MKLN1: variants seen among roughly 807,000 people sequenced by gnomAD.
MKLN1 encodes muskelin 1, also known as muskelin.
A neutral mutation model predicts 99.0 loss-of-function variants in MKLN1; 18 were observed. The observed-to-expected ratio is 0.18, with a 90% confidence interval of 0.13 to 0.27. The LOEUF (loss-of-function observed/expected upper bound fraction) is 0.27. MKLN1 is among the 10% of genes least tolerant of loss of function. The pLI is 1.00. For missense variants in MKLN1, 621 were observed against 875.9 expected, an observed-to-expected ratio of 0.71 and a Z score of 3.67; for synonymous variants, 288 against 293.2, an observed-to-expected ratio of 0.98 and a Z score of 0.18.
chr7:131,449,115 G>A (rs1458999079), intron 12 of MKLN1, among the ~76,000 whole-genome samples: 1 of 152,188 alleles, frequency 6.6e-6, no homozygotes, highest in Non-Finnish European at 1.5e-5. Context: ...CATCTTTGAG[G>A]AGGTAATCTT....
chr7:131,209,019 A>G (rs538934339), intron 3 of MKLN1, among the ~76,000 whole-genome samples: 9 of 152,304 alleles, frequency 5.9e-5, no homozygotes, highest in South Asian at 2.1e-4. Flanking sequence ...AGTGATCTCA[A>G]TGACAGGGAG....
chr7:131,394,474 A>G (rs754780559), intron 4 of MKLN1, among the ~76,000 whole-genome samples: 20 of 152,004 alleles, frequency 1.3e-4, no homozygotes, highest in South Asian at 2.1e-4. Context: ...TTTGCAGTTC[A>G]TGATAGAGTT....
intron 1 of MKLN1, among the ~76,000 whole-genome samples, chr7:131,138,747 T>C (rs933224288): frequency 6.6e-6 from 1 of 152,212 alleles, no homozygotes; most frequent in African/African-American, 2.4e-5. Context: ...CAGCCTTGCC[T>C]ATCTGTGCAC....
At chr7:131,421,053 G>A (rs1211604939) in intron 8 of MKLN1, among the ~76,000 whole-genome samples, 1 of 152,132 alleles carries the variant, frequency 6.6e-6, no homozygotes, top group African/African-American at 2.4e-5. Context: ...ATGCCATTTA[G>A]ACTATGCTTC....
At chr7:131,322,760 C>T (rs1027058698) in intron 3 of MKLN1, among the ~76,000 whole-genome samples, 15 of 151,126 alleles carry the variant, frequency 9.9e-5, no homozygotes, top group South Asian at 4.2e-4. Context: ...TTAGTAGAGA[C>T]GGGGTTTCAC....
At position 131,387,327 on chromosome 7, in the gene MKLN1, G is replaced by A. The variant is rs1794064041; in HGVS notation, c.311+65G>A. Reference sequence around the variant, plus strand: ...AAAACGTAGTCTTAGTCTTTTTGTAGCTAATCTGCATGGTTTGATTTTTCT... The same window carrying A: ...AAAACGTAGTCTTAGTCTTTTTGTAACTAATCTGCATGGTTTGATTTTTCT... On this transcript the variant is annotated intron_variant, in intron 3 of 17. Coordinates refer to ENST00000352689, the MANE Select transcript of MKLN1 (RefSeq NM_013255.5). The A allele has an allele frequency of 4.2e-6, 6 of 1,434,762 alleles. No homozygotes were observed. The South Asian group carries it at 8.2e-5, about 20-fold the overall frequency. 88.9% of individuals were successfully genotyped at this position (1,434,762 alleles called of 1,614,324 possible).
chr7:131,272,859 CT>C (rs1797907920), intron 3 of MKLN1, among the ~76,000 whole-genome samples: 1 of 152,198 alleles, frequency 6.6e-6, no homozygotes, highest in African/African-American at 2.4e-5. Context: ...CCCCGGGTCC[CT>C]CCCACAACAC....
intron 3 of MKLN1, among the ~76,000 whole-genome samples, chr7:131,266,930 G>A (rs956175641): frequency 6.6e-6 from 1 of 151,942 alleles, no homozygotes; most frequent in African/African-American, 2.4e-5. Flanking sequence ...CACAAGCTTA[G>A]TTTAAGCCCC....
Position 131,403,989 on chromosome 7 carries a change from T to G in MKLN1, c.703+4556T>G, listed in dbSNP as rs1321591441. Among the ~76,000 whole-genome samples, 3 of 152,174 alleles carry G rather than the reference T, an allele frequency of 2.0e-5. No individual in the cohort carries two copies. In the South Asian group the frequency reaches 6.2e-4, roughly 32 times the overall value. On this transcript the variant is annotated intron_variant, in intron 6 of 17. Transcript: ENST00000352689. ...TCAAGCAAAGCATTATAAAGGCATA[T>G]GTATGTTGAATTATCTTAATTGATT...
chr7:131,475,219 A>G (rs375844750), intron 16 of MKLN1, among the ~76,000 whole-genome samples: 11 of 152,214 alleles, frequency 7.2e-5, no homozygotes, highest in Non-Finnish European at 1.3e-4. Context: ...TAAAGTGGGT[A>G]TGGAAAACTT....
chr7:131,400,517 AAAT>A (rs1223631112), intron 6 of MKLN1, among the ~76,000 whole-genome samples: 3 of 129,574 alleles, frequency 2.3e-5, no homozygotes, highest in Admixed American at 7.4e-5. Flanking sequence ...AATAAAAAAA[AAAT>A]ATATATATAT....
chr7:131,347,322 AC>A (rs1163760688), intron 1 of MKLN1, among the ~76,000 whole-genome samples: 1 of 152,208 alleles, frequency 6.6e-6, no homozygotes, highest in African/African-American at 2.4e-5. Flanking sequence ...AGATGCAGGA[AC>A]CTGGTGCTAG....
intron 8 of MKLN1, among the ~76,000 whole-genome samples, chr7:131,425,573 C>G (rs1181103620): frequency 6.6e-6 from 1 of 152,128 alleles, no homozygotes. Context: ...AAGTGCTTTG[C>G]GAATTCTCAG....
chr7:131,399,263 G>A lies in MKLN1; in HGVS notation c.533G>A (p.Arg178His). Residue 178 changes from arginine (R) to histidine (H), a missense_variant, in exon 6 of 18, where the codon CGC becomes CAC. Coordinates refer to ENST00000352689, the MANE Select transcript of MKLN1 (RefSeq NM_013255.5). The stretch of plus-strand genomic sequence containing the variant: ...TAGTACCGTGAACAGGAAGCTATTC[G>A]CCTTTGCCTAAAACACTTCAGACAA... ...YSKYREQEAI[R>H]LCLKHFRQHN... The A allele has an allele frequency of 1.9e-6, 3 of 1,613,828 alleles. No individual in the cohort carries two copies. Among genetic ancestry groups the A allele is most frequent in the Non-Finnish European group, 2.5e-6 (3 of 1,179,900 alleles).
At chr7:131,147,553 C>T (rs529178577) in intron 2 of MKLN1, among the ~76,000 whole-genome samples, 4 of 152,180 alleles carry the variant, frequency 2.6e-5, no homozygotes, top group African/African-American at 4.8e-5. Context: ...AGAATATCTG[C>T]GACTCTGTTC....
chr7:131,139,249 G>A (rs910435173), intron 1 of MKLN1, among the ~76,000 whole-genome samples: 19 of 152,122 alleles, frequency 1.2e-4, no homozygotes, highest in Non-Finnish European at 5.9e-5. Context: ...ACAGAGAGCC[G>A]GTGGTGAGGG....
chr7:131,376,224 AAT>A (rs1320974865), intron 2 of MKLN1, among the ~76,000 whole-genome samples: 1 of 148,568 alleles, frequency 6.7e-6, no homozygotes, highest in African/African-American at 2.5e-5. Flanking sequence ...ATGTCTAAAG[AAT>A]ATATATTTAT....
intron 3 of MKLN1, among the ~76,000 whole-genome samples, chr7:131,269,058 G>A (rs1797848520): frequency 6.6e-6 from 1 of 152,192 alleles, no homozygotes; most frequent in Non-Finnish European, 1.5e-5. Context: ...ACACTTGCAT[G>A]TTGCTCTTCT....
At chr7:131,206,665 C>T (rs1409071343) in intron 3 of MKLN1, among the ~76,000 whole-genome samples, 1 of 151,874 alleles carries the variant, frequency 6.6e-6, no homozygotes, top group Non-Finnish European at 1.5e-5. Flanking sequence ...AAGCAATCTT[C>T]TTGCTTCAGC....
Sources: gnomAD v4.1 joint callset for allele counts (sites outside exome capture counted in the v4.1 genomes callset) on GRCh38, gnomAD v4.1.1 for gene constraint, MANE v1.5 for transcripts, NCBI Gene and HGNC (gene_info 2026-07-23, HGNC 2026-07-21) for gene names.